The following CHAT variants were observed in gnomAD, a reference collection of about 807,000 sequenced individuals.
The protein encoded by CHAT is choline O-acetyltransferase, also known as acetyl CoA:choline O-acetyltransferase.
CHAT carries 61 observed loss-of-function variants against 76.9 expected under a neutral mutation model. The ratio of observed to expected loss-of-function variants is 0.79; its 90% CI spans 0.65 to 0.98. The LOEUF is 0.98. Among genes scored for constraint, CHAT ranks in the 50% least tolerant of loss-of-function variants. The pLI, the probability that CHAT is intolerant of heterozygous loss-of-function variation, is 0.00. For synonymous variants in CHAT, 407 were observed against 397.4 expected, an observed-to-expected ratio of 1.02 and a Z score of -0.29; for missense variants, 946 against 986.9, an observed-to-expected ratio of 0.96 and a Z score of 0.56.
At position 49,665,536 on chromosome 10, in the gene CHAT, G is replaced by A. The variant is rs1477822396; in HGVS notation, c.*490G>A. Among the ~76,000 whole-genome samples, 2 of 152,068 alleles carry A rather than the reference G, an allele frequency of 1.3e-5. No homozygotes were observed. Among genetic ancestry groups the A allele is most frequent in the African/African-American group, 4.8e-5 (2 of 41,388 alleles). ...AGAGGAGGCTGTGTTTTGAGATTCA[G>A]AGCATTCTTATCGTGGCATTCCCAG... On this transcript the variant is annotated 3_prime_UTR_variant, in exon 15 of 15. Transcript: ENST00000337653.
At chr10:49,640,162 T>A (rs932468862) in intron 7 of CHAT, among the ~76,000 whole-genome samples, 99 of 152,128 alleles carry the variant, frequency 6.5e-4, no homozygotes, top group African/African-American at 2.3e-3. Flanking sequence ...TTATTTATTT[T>A]ATTTTAATTT....
intron 7 of CHAT, among the ~76,000 whole-genome samples, chr10:49,628,947 C>A (rs1839020217): frequency 6.6e-6 from 1 of 152,272 alleles, no homozygotes; most frequent in Non-Finnish European, 1.5e-5. Flanking sequence ...TCTGGTCTCT[C>A]TCTAGAAGGG....
chr10:49,662,060 A>C (rs1840210229), intron 13 of CHAT, among the ~76,000 whole-genome samples: 1 of 152,226 alleles, frequency 6.6e-6, no homozygotes, highest in Non-Finnish European at 1.5e-5. Flanking sequence ...AGTTTAAATG[A>C]ATTGATCCTG....
At chr10:49,638,216 G>C (rs1397351555) in intron 7 of CHAT, among the ~76,000 whole-genome samples, 1 of 152,062 alleles carries the variant, frequency 6.6e-6, no homozygotes, top group Non-Finnish European at 1.5e-5. Context: ...AGTTTTCTTT[G>C]CTCTAAAGTG....
At chr10:49,630,385 G>A (rs1839075015) in intron 7 of CHAT, among the ~76,000 whole-genome samples, 1 of 146,902 alleles carries the variant, frequency 6.8e-6, no homozygotes, top group South Asian at 2.1e-4. Context: ...TGGAGAGCTG[G>A]AGGAGGAACA....
chr10:49,648,724 T>TACAC (rs1491266018), intron 9 of CHAT, 117 bp downstream of exon 9: 2 of 577,400 alleles, frequency 3.5e-6, no homozygotes, highest in African/African-American at 3.6e-5. Flanking sequence ...AAATGTGTAC[T>TACAC]ATACACACAC....
chr10:49,633,770 G>T (rs560862380), intron 7 of CHAT, among the ~76,000 whole-genome samples: 1 of 152,202 alleles, frequency 6.6e-6, no homozygotes, highest in African/African-American at 2.4e-5. Flanking sequence ...GGCTTTCCTG[G>T]GTGCTGCCGT....
intron 7 of CHAT, among the ~76,000 whole-genome samples, chr10:49,643,853 A>C (rs1450584308): frequency 6.6e-6 from 1 of 152,226 alleles, no homozygotes; most frequent in Non-Finnish European, 1.5e-5. Context: ...TGCCTTGTTC[A>C]GGAGGCCCAG....
At chr10:49,657,070 C>G (rs1444785095) in intron 13 of CHAT, among the ~76,000 whole-genome samples, 1 of 152,188 alleles carries the variant, frequency 6.6e-6, no homozygotes, top group African/African-American at 2.4e-5. Flanking sequence ...CACATGGCGA[C>G]TGACTCAGCA....
chr10:49,612,157 G>A (rs1237667584), upstream of CHAT: 1 of 1,611,238 alleles, frequency 6.2e-7, no homozygotes, highest in East Asian at 2.2e-5. Context: ...CCGCAACGTG[G>A]GCCTCCTGAC....
upstream of CHAT, among the ~76,000 whole-genome samples, chr10:49,609,551 C>A (rs1278770079): frequency 6.6e-6 from 1 of 152,150 alleles, no homozygotes; most frequent in Non-Finnish European, 1.5e-5. Flanking sequence ...TGTGGCCAGG[C>A]AGTGCGGGAG....
intron 7 of CHAT, among the ~76,000 whole-genome samples, chr10:49,645,821 A>G (rs1456330239): frequency 4.6e-5 from 7 of 152,164 alleles, no homozygotes; most frequent in Non-Finnish European, 8.8e-5. Flanking sequence ...AGAGGCTAAC[A>G]CAAAAGCCAG....
rs1185613394 is a variant in CHAT, at chr10:49,667,424, T to C, written c.*2378T>C. 6.6e-6 allele frequency among the ~76,000 whole-genome samples: 1 copy of C among 152,220 alleles called. No homozygotes were observed. On this transcript the variant is annotated 3_prime_UTR_variant, in exon 15 of 15. Coordinates refer to ENST00000337653, the MANE Select transcript of CHAT (RefSeq NM_020549.5). The stretch of plus-strand genomic sequence containing the variant: ...ATGGAAAGGTAACTCACTCTGTACA[T>C]TCAGATATCAAACTATGCACTGTGA...
At chr10:49,620,404 T>C (rs752596070) in intron 3 of CHAT, 91 bp from the exon 4 acceptor site, 70 of 868,742 alleles carry the variant, frequency 8.1e-5, no homozygotes, top group Non-Finnish European at 1.3e-4. Flanking sequence ...AATGAATTAA[T>C]GCTCTGGTGA....
intron 7 of CHAT, among the ~76,000 whole-genome samples, chr10:49,631,775 C>A (rs1839130171): frequency 6.6e-6 from 1 of 152,054 alleles, no homozygotes; most frequent in Non-Finnish European, 1.5e-5. Context: ...AGGGGTGAGA[C>A]TGTCAAAGGT....
At chr10:49,611,277 C>A, upstream of CHAT, 1 of 1,611,130 alleles carries the variant, frequency 6.2e-7, no homozygotes, top group East Asian at 2.2e-5. Flanking sequence ...CCACGCTGTT[C>A]GCGGCGCGCA....
chr10:49,620,059 C>A, intron 3 of CHAT, 143 bp downstream of exon 3: 1 of 812,238 alleles, frequency 1.2e-6, no homozygotes, highest in Non-Finnish European at 1.9e-6. Flanking sequence ...GGTGTGGGAA[C>A]AGGCAGGTGG....
At chr10:49,619,972 C>G (rs549319406) in intron 3 of CHAT, 56 bp downstream of exon 3, 1 of 1,548,522 alleles carries the variant, frequency 6.5e-7, no homozygotes, top group Admixed American at 1.9e-5. Context: ...GACCTGGAGA[C>G]AGAGGGATCT....
chr10:49,611,668 C>T, upstream of CHAT: 1 of 1,611,496 alleles, frequency 6.2e-7, no homozygotes, highest in African/African-American at 1.3e-5. Context: ...CTTCCTCGAA[C>T]CCACCATTGC....
Sources: allele counts gnomAD v4.1 joint callset (sites outside exome capture counted in the v4.1 genomes callset), GRCh38; gene constraint gnomAD v4.1.1; transcripts MANE v1.5; gene names NCBI Gene and HGNC (gene_info 2026-07-23, HGNC 2026-07-21).